LLPH: variants seen among roughly 807,000 people sequenced by gnomAD.
LLPH encodes the protein protein LLP homolog.
Under a neutral mutation model 13.3 loss-of-function variants are expected in LLPH, and 5 were observed. That is an observed-to-expected ratio of 0.38 (90% CI 0.20 to 0.79). The LOEUF is 0.79. Among genes scored for constraint, LLPH ranks in the 30% least tolerant of loss-of-function variants. LLPH has a pLI of 0.45. For synonymous variants in LLPH, 32 were observed against 44.2 expected, an observed-to-expected ratio of 0.72 and a Z score of 1.09; for missense variants, 129 against 152.1, an observed-to-expected ratio of 0.85 and a Z score of 0.80.
intron 1 of LLPH, among the ~76,000 whole-genome samples, chr12:66,129,895 C>T (rs66767092): frequency 0.077 from 11,661 of 152,146 alleles, 1,029 homozygotes; most frequent in East Asian, 0.51. Context: ...CTAAATCCTC[C>T]ACAAGGTGCT....
intron 1 of LLPH, among the ~76,000 whole-genome samples, chr12:66,130,042 T>C (rs994549901): frequency 1.3e-5 from 2 of 152,166 alleles, no homozygotes; most frequent in Non-Finnish European, 2.9e-5. Context: ...CATTTCATTC[T>C]CCATCCCCAT....
Position 66,122,083 on chromosome 12 carries a change from T to C in LLPH, c.*1757A>G, listed in dbSNP as rs2051467142. 6.6e-6 allele frequency: 1 copy of C among 152,110 alleles called. No homozygotes were observed. The highest frequency in any genetic ancestry group is 2.4e-5 in the African/African-American group (1 of 41,400). 9.4% of individuals were successfully genotyped at this position (152,110 alleles called of 1,614,324 possible). ...CATGAATGACATCTTTCAATTCATA[T>C]CTTTCTTAGCTGTTAAGAAATTTTA... On this transcript the variant is annotated 3_prime_UTR_variant, in exon 3 of 3. Coordinates refer to ENST00000266604, the MANE Select transcript of LLPH (RefSeq NM_032338.4).
rs1332699455 is a variant in LLPH at position 66,118,849 on chromosome 12, G to A, written c.*4991C>T. The stretch of plus-strand genomic sequence containing the variant: ...TATGTAAGCGATTCGAGCATCTGTG[G>A]ATTTTGGTATCTGTGAAGATCCTGG... On this transcript the variant is annotated 3_prime_UTR_variant, in exon 3 of 3. Coordinates refer to ENST00000266604, the MANE Select transcript of LLPH (RefSeq NM_032338.4). The A allele has an allele frequency of 1.3e-5, 2 of 152,148 alleles. No individual in the cohort carries two copies. The highest frequency in any genetic ancestry group is 2.4e-5 in the African/African-American group (1 of 41,422). 9.4% of individuals were successfully genotyped at this position (152,148 alleles called of 1,614,324 possible).
intron 1 of LLPH, among the ~76,000 whole-genome samples, chr12:66,129,682 G>C (rs1019858152): frequency 2.4e-4 from 36 of 152,140 alleles, no homozygotes; most frequent in East Asian, 9.6e-4. Context: ...ACCGCGCCCG[G>C]CTGAATTTCT....
chr12:66,129,240 T>G (rs1483889319), intron 1 of LLPH, 127 bp from the exon 2 acceptor site: 6 of 653,650 alleles, frequency 9.2e-6, no homozygotes, highest in Non-Finnish European at 1.1e-5. Context: ...CTCTTCAATC[T>G]GTTCACTTTT....
chr12:66,124,954 A>G (rs1366673609), intron 2 of LLPH, among the ~76,000 whole-genome samples: 1 of 152,122 alleles, frequency 6.6e-6, no homozygotes, highest in African/African-American at 2.4e-5. Flanking sequence ...GCTATTCGGG[A>G]GACTGGGGTG....
rs975956776 is a variant in LLPH at position 66,117,726 on chromosome 12, C to T, written c.*6114G>A. 6.6e-6 allele frequency: 1 copy of T among 152,166 alleles called. No homozygotes were observed. Among genetic ancestry groups the T allele is most frequent in the Non-Finnish European group, 1.5e-5 (1 of 68,038 alleles). 9.4% of individuals were successfully genotyped at this position (152,166 alleles called of 1,614,324 possible). A position where few individuals can be genotyped will look rare whatever the true frequency, so the allele number is the denominator to read the frequency against. On this transcript the variant is annotated 3_prime_UTR_variant, in exon 3 of 3. Coordinates refer to ENST00000266604, the MANE Select transcript of LLPH (RefSeq NM_032338.4). ...GATGGCAACTCCATGCCTGTTATTG[C>T]CCCTGAAGGCCTTGCAGTGGGACAA...
Position 66,124,005 on chromosome 12 carries a change from C to T in LLPH, c.225G>A (p.Met75Ile), listed in dbSNP as rs1253063733. Reference sequence around the variant, plus strand: ...TTTTGTTTCTCTTAATATCAGTCTCCATTTTCATGTCATCTGCATAAAAAG... The same window carrying T: ...TTTTGTTTCTCTTAATATCAGTCTCTATTTTCATGTCATCTGCATAAAAAG... ...EVKDEKDDMKMETDIKRNKKT... is the reference protein window; with the variant it reads ...EVKDEKDDMKIETDIKRNKKT... The change falls in exon 3 of 3, where the codon ATG (methionine) becomes ATA (isoleucine). Residue 75 changes from methionine (M) to isoleucine (I), a missense_variant. Met to Ile is a conservative substitution (Grantham distance 10). Coordinates refer to ENST00000266604, the MANE Select transcript of LLPH (RefSeq NM_032338.4). 8 of 1,599,754 alleles carry T rather than the reference C, an allele frequency of 5.0e-6. No homozygotes were observed. The East Asian group carries it at 6.7e-5, about 13-fold the overall frequency.
chr12:66,125,800 T>C (rs965218462), intron 2 of LLPH, among the ~76,000 whole-genome samples: 1 of 151,690 alleles, frequency 6.6e-6, no homozygotes, highest in African/African-American at 2.4e-5. Flanking sequence ...TGACCACTGA[T>C]CACCAGACAT....
intron 2 of LLPH, among the ~76,000 whole-genome samples, chr12:66,126,795 G>GT (rs2136830164): frequency 6.6e-6 from 1 of 152,040 alleles, no homozygotes; most frequent in South Asian, 2.1e-4. Flanking sequence ...GCTGGGCATG[G>GT]TGGCACACGC....
At position 66,121,898 on chromosome 12, in the gene LLPH, A is replaced by T. The variant is rs1458217963; in HGVS notation, c.*1942T>A. On this transcript the variant is annotated 3_prime_UTR_variant, in exon 3 of 3. Coordinates refer to ENST00000266604, the MANE Select transcript of LLPH (RefSeq NM_032338.4). Reference sequence around the variant, plus strand: ...GACCCCATCTCAAAAAAAAAAAAAAAAAAAACATAAATAATTCAGCTACTG... The same window carrying T: ...GACCCCATCTCAAAAAAAAAAAAAATAAAAACATAAATAATTCAGCTACTG... 6.6e-6 allele frequency: 1 copy of T among 151,652 alleles called. No homozygotes were observed. Among genetic ancestry groups the T allele is most frequent in the African/African-American group, 2.4e-5 (1 of 41,288 alleles). 9.4% of individuals were successfully genotyped at this position (151,652 alleles called of 1,614,324 possible).
In LLPH at chr12:66,120,592, A is replaced by T. The variant is rs191684330; in HGVS notation, c.*3248T>A. On this transcript the variant is annotated 3_prime_UTR_variant, in exon 3 of 3. Coordinates refer to ENST00000266604, the MANE Select transcript of LLPH (RefSeq NM_032338.4). ...GATTTCAGACTTAATTTCTTAAAAC[A>T]CAAAAAGTGTTACATTCAATTCCTA... 1.3e-5 allele frequency: 2 copies of T among 152,230 alleles called. No individual in the cohort carries two copies. Among genetic ancestry groups the T allele is most frequent in the Non-Finnish European group, 2.9e-5 (2 of 68,028 alleles). The allele number at this position is 152,230 out of a possible 1,614,324, so 9.4% of individuals were successfully genotyped here. A position where few individuals can be genotyped will look rare whatever the true frequency, so the allele number is the denominator to read the frequency against.
intron 1 of LLPH, among the ~76,000 whole-genome samples, chr12:66,129,510 C>G (rs1037611525): frequency 1.3e-5 from 2 of 151,952 alleles, no homozygotes; most frequent in Non-Finnish European, 2.9e-5. Flanking sequence ...CTCAGCCTCC[C>G]GAGCAGCTGG....
Position 66,120,895 on chromosome 12 carries a change from C to T in LLPH, c.*2945G>A, listed in dbSNP as rs932559889. On this transcript the variant is annotated 3_prime_UTR_variant, in exon 3 of 3. Transcript: ENST00000266604. ...ATATTTGGAGGTGGGGAGAATCTTG[C>T]TGGTAGTGTTCAGGAACTCAGTGCC... 1.3e-5 allele frequency: 2 copies of T among 152,192 alleles called. No homozygotes were observed. The highest frequency in any genetic ancestry group is 4.8e-5 in the African/African-American group (2 of 41,446). 9.4% of individuals were successfully genotyped at this position (152,192 alleles called of 1,614,324 possible).
rs1401156845 is a variant in LLPH at position 66,122,927 on chromosome 12, T to G, written c.*913A>C. 6.6e-6 allele frequency: 1 copy of G among 152,126 alleles called. No individual in the cohort carries two copies. The highest frequency in any genetic ancestry group is 1.9e-4 in the East Asian group (1 of 5,196). The allele number at this position is 152,126 out of a possible 1,614,324, so 9.4% of individuals were successfully genotyped here. On this transcript the variant is annotated 3_prime_UTR_variant, in exon 3 of 3. Transcript: ENST00000266604. ...CATGAAAAACCTGAAATGTTCTAAT[T>G]TCCTAAAAAGCATACTGATTTGTAT...
In LLPH at chr12:66,118,637, A is replaced by C. The variant is rs143684704; in HGVS notation, c.*5203T>G. The C allele has an allele frequency of 1.3e-5, 2 of 152,230 alleles. No individual in the cohort carries two copies. The highest frequency in any genetic ancestry group is 2.9e-5 in the Non-Finnish European group (2 of 68,048). 9.4% of individuals were successfully genotyped at this position (152,230 alleles called of 1,614,324 possible). ...ATTTGTAGCCTAGAAGCAATAGGCT[A>C]TATCACATAGCCTAAGTGTAGTAGA... On this transcript the variant is annotated 3_prime_UTR_variant, in exon 3 of 3. Coordinates refer to ENST00000266604, the MANE Select transcript of LLPH (RefSeq NM_032338.4).
At position 66,126,249 on chromosome 12, in the gene LLPH, G is replaced by A. The variant is rs570246061; in HGVS notation, c.212-2231C>T. ...TGAGGCAGGAGAATGGCGCGAACCC[G>A]GGAGATGGAGCTTGCAGTGAGCCGA... On this transcript the variant is annotated intron_variant, in intron 2 of 2. Transcript: ENST00000266604. 4.2e-3 allele frequency among the ~76,000 whole-genome samples: 642 copies of A among 151,614 alleles called. 8 individuals carry two copies. The highest frequency in any genetic ancestry group is 0.028 in the South Asian group (135 of 4,790).
intron 2 of LLPH, among the ~76,000 whole-genome samples, chr12:66,127,043 G>A (rs1376065384): frequency 1.3e-5 from 2 of 152,110 alleles, no homozygotes; most frequent in Non-Finnish European, 2.9e-5. Flanking sequence ...TCATACCCTC[G>A]AAGATGGCTA....
In LLPH at chr12:66,123,809, C is replaced by A. The variant is rs760184150; in HGVS notation, c.*31G>T. The A allele has an allele frequency of 6.2e-7, 1 of 1,607,914 alleles. No individual in the cohort carries two copies. The highest frequency in any genetic ancestry group is 1.3e-5 in the African/African-American group (1 of 74,414). On this transcript the variant is annotated 3_prime_UTR_variant, in exon 3 of 3. Transcript: ENST00000266604. ...GTATACATTCTAATCCGTCATCTAT[C>A]CCATGTGGCATTTTCCAAGGTTTTA...
Sources: gnomAD v4.1 joint callset for allele counts (sites outside exome capture counted in the v4.1 genomes callset) on GRCh38, gnomAD v4.1.1 for gene constraint, MANE v1.5 for transcripts, NCBI Gene and HGNC (gene_info 2026-07-23, HGNC 2026-07-21) for gene names.